The following GDPD1 variants were observed in gnomAD, a reference collection of about 807,000 sequenced individuals.
GDPD1 encodes the protein glycerophosphodiester phosphodiesterase domain containing 1, also known as lysophospholipase D GDPD1.
Under a neutral mutation model 45.1 loss-of-function variants are expected in GDPD1, and 28 were observed. That is an observed-to-expected ratio of 0.62 (90% CI 0.46 to 0.85). The LOEUF (loss-of-function observed/expected upper bound fraction) is 0.85. Among genes scored for constraint, GDPD1 ranks in the 40% least tolerant of loss-of-function variants. GDPD1 has a pLI of 0.00. For missense variants in GDPD1, 256 were observed against 364.8 expected (o/e 0.70, Z 2.43); for synonymous variants, 139 against 131.4 (o/e 1.06, Z -0.40).
At chr17:59,233,437 G>A (rs1393797701) in intron 1 of GDPD1, among the ~76,000 whole-genome samples, 1 of 150,116 alleles carries the variant, frequency 6.7e-6, no homozygotes, top group Non-Finnish European at 1.5e-5. Flanking sequence ...GCGTAAGCCC[G>A]GGAGGCGGAG....
chr17:59,230,044 C>A (rs565283422), intron 1 of GDPD1, among the ~76,000 whole-genome samples: 56 of 152,222 alleles, frequency 3.7e-4, no homozygotes, highest in Middle Eastern at 3.4e-3. Flanking sequence ...ACAGATACCC[C>A]TATGGGTTAT....
intron 6 of GDPD1, among the ~76,000 whole-genome samples, chr17:59,262,809 G>A (rs566423221): frequency 2.0e-4 from 30 of 152,004 alleles, no homozygotes; most frequent in Admixed American, 2.0e-3. Flanking sequence ...TGTATTTTTA[G>A]TAGAGATAGG....
rs1040448885 is a variant in GDPD1 at position 59,274,793 on chromosome 17, GA to G, written c.*1028del. The stretch of plus-strand genomic sequence containing the variant: ...ACTCCGTCTCAAAAAAAGAAAAAAA[GA>G]AAAAAAATTGGCAATAGTCTTCACT... On this transcript the variant is annotated 3_prime_UTR_variant, in exon 10 of 10. Coordinates refer to ENST00000284116, the MANE Select transcript of GDPD1 (RefSeq NM_182569.4). Among the ~76,000 whole-genome samples the G allele has an allele frequency of 2.7e-5, 4 of 147,418 alleles. No individual in the cohort carries two copies. The highest frequency in any genetic ancestry group is 5.0e-5 in the African/African-American group (2 of 40,224).
chr17:59,238,702 C>T (rs764848747), intron 2 of GDPD1, among the ~76,000 whole-genome samples: 3 of 152,070 alleles, frequency 2.0e-5, no homozygotes, highest in Non-Finnish European at 4.4e-5. Flanking sequence ...TGTGAGCCAC[C>T]GCACCCAGCC....
chr17:59,221,136 G>C (rs1157160866), intron 1 of GDPD1, among the ~76,000 whole-genome samples: 1 of 152,122 alleles, frequency 6.6e-6, no homozygotes, highest in Non-Finnish European at 1.5e-5. Context: ...CCCGCGGGGG[G>C]CACCGGGAGC....
intron 6 of GDPD1, among the ~76,000 whole-genome samples, chr17:59,258,924 C>A (rs2047330511): frequency 6.6e-6 from 1 of 151,432 alleles, no homozygotes; most frequent in African/African-American, 2.4e-5. Flanking sequence ...GTGTTTGAGA[C>A]CAGCCTGGAC....
intron 1 of GDPD1, among the ~76,000 whole-genome samples, chr17:59,230,370 ATTTTTTTTTT>A (rs942416287): frequency 1.1e-4 from 9 of 80,080 alleles, no homozygotes; most frequent in Admixed American, 4.5e-4. Flanking sequence ...CAGTTGTAGA[ATTTTTTTTTT>A]TTTTTTTTTT....
At chr17:59,259,566 CAAAAAAAAAAAAA>C (rs71367681) in intron 6 of GDPD1, among the ~76,000 whole-genome samples, 1 of 24,848 alleles carries the variant, frequency 4.0e-5, no homozygotes, top group South Asian at 1.8e-3. Context: ...GACTCTGTCT[CAAAAAAAAAAAAA>C]AAAAAAAAAA....
chr17:59,247,734 A>C (rs2047223096), intron 3 of GDPD1, among the ~76,000 whole-genome samples: 1 of 152,000 alleles, frequency 6.6e-6, no homozygotes, highest in Admixed American at 6.6e-5. Context: ...GGTTCAAGAA[A>C]TTCTCCTGCC....
At chr17:59,225,119 T>G (rs1462313872) in intron 1 of GDPD1, among the ~76,000 whole-genome samples, 1 of 140,954 alleles carries the variant, frequency 7.1e-6, no homozygotes, top group African/African-American at 2.6e-5. Flanking sequence ...TGAGATGGAA[T>G]CTTGCTCTGT....
chr17:59,267,738 C>T (rs577853214), intron 7 of GDPD1, among the ~76,000 whole-genome samples: 61 of 149,906 alleles, frequency 4.1e-4, no homozygotes, highest in Middle Eastern at 3.4e-3. Context: ...GGTGTGATCT[C>T]GACTCACTGC....
chr17:59,222,240 T>C (rs1431763188), intron 1 of GDPD1, among the ~76,000 whole-genome samples: 1 of 152,136 alleles, frequency 6.6e-6, no homozygotes, highest in Non-Finnish European at 1.5e-5. Context: ...GGAGTCTCGG[T>C]CTGTCACCCA....
At chr17:59,245,576 T>C (rs751601713) in intron 3 of GDPD1, 27 bp downstream of exon 3, 2 of 1,564,786 alleles carry the variant, frequency 1.3e-6, no homozygotes, top group Admixed American at 1.9e-5. Context: ...GATAAACTAA[T>C]ATCTAATAGA....
intron 6 of GDPD1, among the ~76,000 whole-genome samples, chr17:59,265,140 C>T (rs1446123477): frequency 6.6e-6 from 1 of 152,050 alleles, no homozygotes; most frequent in Non-Finnish European, 1.5e-5. Context: ...CGCGCCCAGC[C>T]TAGAACTAAC....
At chr17:59,269,949 A>T (rs1247008620) in intron 7 of GDPD1, among the ~76,000 whole-genome samples, 1 of 152,192 alleles carries the variant, frequency 6.6e-6, no homozygotes, top group Non-Finnish European at 1.5e-5. Flanking sequence ...ATACAGACAT[A>T]AGAACAAACT....
chr17:59,226,010 C>G (rs906683772), intron 1 of GDPD1, among the ~76,000 whole-genome samples: 1 of 151,966 alleles, frequency 6.6e-6, no homozygotes, highest in Admixed American at 6.6e-5. Context: ...CATGAGCCAC[C>G]GTGCCCAGCC....
chr17:59,247,847 C>T (rs763045208), intron 3 of GDPD1, among the ~76,000 whole-genome samples: 12 of 152,076 alleles, frequency 7.9e-5, no homozygotes, highest in Non-Finnish European at 1.8e-4. Flanking sequence ...TCAGGCTGGT[C>T]TCGAACTCCT....
intron 2 of GDPD1, among the ~76,000 whole-genome samples, chr17:59,244,590 C>G (rs1175379629): frequency 6.6e-6 from 1 of 152,106 alleles, no homozygotes; most frequent in Non-Finnish European, 1.5e-5. Context: ...GCTTTTGCCT[C>G]CCATAGTGCT....
intron 6 of GDPD1, among the ~76,000 whole-genome samples, chr17:59,262,074 C>G (rs1207261556): frequency 6.6e-6 from 1 of 150,824 alleles, no homozygotes; most frequent in Admixed American, 6.6e-5. Context: ...CCCGCCACTA[C>G]GCCCGGCTAA....
Sources: gnomAD v4.1 joint callset for allele counts (sites outside exome capture counted in the v4.1 genomes callset) on GRCh38, gnomAD v4.1.1 for gene constraint, MANE v1.5 for transcripts, NCBI Gene and HGNC (gene_info 2026-07-23, HGNC 2026-07-21) for gene names.